RHOBTB3: variants seen among roughly 807,000 people sequenced by gnomAD.
The protein encoded by RHOBTB3 is rho-related BTB domain-containing protein 3.
Under a neutral mutation model 67.2 loss-of-function variants are expected in RHOBTB3, and 47 were observed. That is an observed-to-expected ratio of 0.70 (90% CI 0.55 to 0.89). The LOEUF is 0.89. Ranked by LOEUF, RHOBTB3 falls within the 40% of genes least tolerant of loss-of-function variation. The probability of loss-of-function intolerance (pLI) is 0.00; values close to 1 mark genes in which losing one functional copy is unlikely to be tolerated. For missense variants in RHOBTB3, 631 were observed against 750.0 expected, an observed-to-expected ratio of 0.84 and a Z score of 1.85; for synonymous variants, 273 against 274.2, an observed-to-expected ratio of 1.00 and a Z score of 0.04.
chr5:95,790,668 A>C (rs778782035), intron 11 of RHOBTB3, among the ~76,000 whole-genome samples: 18 of 152,206 alleles, frequency 1.2e-4, no homozygotes, highest in Non-Finnish European at 2.5e-4. Flanking sequence ...AAAGGGAATC[A>C]TGAGAACTCT....
chr5:95,751,640 A>G (rs936836966), intron 4 of RHOBTB3, among the ~76,000 whole-genome samples: 1 of 152,092 alleles, frequency 6.6e-6, no homozygotes, highest in East Asian at 1.9e-4. Flanking sequence ...TAACCAGGTA[A>G]TAAACATAGT....
intron 1 of RHOBTB3, among the ~76,000 whole-genome samples, chr5:95,725,075 A>G (rs1561433877): frequency 1.3e-5 from 2 of 152,264 alleles, no homozygotes; most frequent in Admixed American, 6.5e-5. Context: ...CACACCCACA[A>G]ATATACTACA....
At chr5:95,727,109 C>T (rs1755078078), upstream of RHOBTB3, among the ~76,000 whole-genome samples, 1 of 152,026 alleles carries the variant, frequency 6.6e-6, no homozygotes, top group South Asian at 2.1e-4. Flanking sequence ...TTAGAAAACC[C>T]ATCTTTTTAA....
At chr5:95,763,030 T>G (rs1186393839) in intron 6 of RHOBTB3, among the ~76,000 whole-genome samples, 2 of 152,190 alleles carry the variant, frequency 1.3e-5, no homozygotes, top group African/African-American at 4.8e-5. Flanking sequence ...CTCTCAAGCA[T>G]CCCAGTCTGC....
rs149043043 is a variant in RHOBTB3, at chr5:95,735,211, CT to C, written c.229-1677del. 1.6e-3 allele frequency among the ~76,000 whole-genome samples: 249 copies of C among 150,948 alleles called. 2 individuals are homozygous for C. The highest frequency in any genetic ancestry group is 5.5e-3 in the African/African-American group (228 of 41,094). On this transcript the variant is annotated intron_variant, in intron 2 of 11. Coordinates refer to ENST00000379982, the MANE Select transcript of RHOBTB3 (RefSeq NM_014899.4). ...CTTCCCTTCTGCCCCCTTGCACCCT[CT>C]ACCAAGTTCAACCCTTTGCCTTTGT...
intron 3 of RHOBTB3, among the ~76,000 whole-genome samples, chr5:95,744,658 A>G (rs1027111880): frequency 1.3e-5 from 2 of 152,076 alleles, no homozygotes; most frequent in Non-Finnish European, 2.9e-5. Flanking sequence ...CAACTCGAGG[A>G]CCTATATTGG....
intron 10 of RHOBTB3, 25 bp downstream of exon 10, chr5:95,783,988 G>A (rs756443231): frequency 6.6e-7 from 1 of 1,522,100 alleles, no homozygotes; most frequent in Non-Finnish European, 8.9e-7. Context: ...GTATCTGATA[G>A]CCTAGTTTTT....
At chr5:95,759,443 G>A (rs1473667950) in intron 6 of RHOBTB3, among the ~76,000 whole-genome samples, 2 of 152,182 alleles carry the variant, frequency 1.3e-5, no homozygotes, top group African/African-American at 4.8e-5. Flanking sequence ...TATCAAAGCT[G>A]TATTTGCACA....
At chr5:95,735,497 G>C (rs1022079933) in intron 2 of RHOBTB3, among the ~76,000 whole-genome samples, 1 of 152,174 alleles carries the variant, frequency 6.6e-6, no homozygotes, top group African/African-American at 2.4e-5. Context: ...TAGGATAAAA[G>C]CTCTGTCACA....
intron 4 of RHOBTB3, chr5:95,751,305 C>T (rs972306576): frequency 6.6e-6 from 1 of 152,000 alleles, no homozygotes; most frequent in Non-Finnish European, 1.5e-5. Flanking sequence ...TTACCAGCCA[C>T]ACAATTGTAG....
At chr5:95,737,625 CA>C (rs1470488692) in intron 3 of RHOBTB3, among the ~76,000 whole-genome samples, 1 of 152,190 alleles carries the variant, frequency 6.6e-6, no homozygotes, top group East Asian at 1.9e-4. Context: ...ACTCAGGATT[CA>C]GTTTGATTTG....
At chr5:95,769,134 C>T (rs537129533) in intron 8 of RHOBTB3, 9 of 366,324 alleles carry the variant, frequency 2.5e-5, no homozygotes, top group African/African-American at 6.4e-5. Flanking sequence ...ACCTTTTAGC[C>T]GATGCCGTAG....
At chr5:95,723,464 A>T (rs1047994483) in intron 1 of RHOBTB3, among the ~76,000 whole-genome samples, 5 of 152,232 alleles carry the variant, frequency 3.3e-5, no homozygotes, top group Non-Finnish European at 7.3e-5. Context: ...TTTGCTGAAG[A>T]CTGACTAAAT....
At chr5:95,753,786 G>A (rs146210144) in intron 5 of RHOBTB3, among the ~76,000 whole-genome samples, 38 of 152,222 alleles carry the variant, frequency 2.5e-4, no homozygotes, top group African/African-American at 8.7e-4. Context: ...CTCAGAGAAA[G>A]CAAAACATTA....
At chr5:95,732,256 A>G in intron 2 of RHOBTB3, 172 bp downstream of exon 2, 1 of 657,256 alleles carries the variant, frequency 1.5e-6, no homozygotes, top group Non-Finnish European at 2.7e-6. Flanking sequence ...GGCAGGGAAC[A>G]GCCCTGTCAG....
Position 95,731,893 on chromosome 5 carries a change from G to T in RHOBTB3, c.37G>T (p.Asp13Tyr). ...IHIVALGNEG[D>Y]TFHQDNRPSG... The stretch of plus-strand genomic sequence containing the variant: ...CATCGTGGCGCTGGGGAACGAGGGG[G>T]ACACATTCCACCAGGACAACCGGCC... The change falls in exon 2 of 12, where the codon GAC (aspartate) becomes TAC (tyrosine). Residue 13 changes from aspartate to tyrosine, a missense_variant. Asp to Tyr is a radical substitution (Grantham distance 160). Transcript: ENST00000379982. The T allele has an allele frequency of 6.2e-7, 1 of 1,613,930 alleles. No individual in the cohort carries two copies. The highest frequency in any genetic ancestry group is 1.1e-5 in the South Asian group (1 of 91,076).
chr5:95,786,932 G>T, intron 10 of RHOBTB3, among the ~76,000 whole-genome samples: 1 of 152,158 alleles, frequency 6.6e-6, no homozygotes, highest in East Asian at 1.9e-4. Context: ...CTGTACATTA[G>T]CTAGAACTGC....
Position 95,752,303 on chromosome 5 carries a change from T to C in RHOBTB3, c.635T>C (p.Met212Thr). 5.0e-6 allele frequency: 8 copies of C among 1,608,074 alleles called. No individual in the cohort carries two copies. Among genetic ancestry groups the C allele is most frequent in the Non-Finnish European group, 6.8e-6 (8 of 1,178,080 alleles). ...KTSEKMKKRK[M>T]SNSFHGIRPP... ...AGTGAAAAAATGAAGAAAAGAAAAA[T>C]GAGCAACTCCTTTCATGGAATTAGA... The change falls in exon 5 of 12, where the codon ATG becomes ACG. Residue 212 changes from methionine (M) to threonine (T), a missense_variant. Coordinates refer to ENST00000379982, the MANE Select transcript of RHOBTB3 (RefSeq NM_014899.4).
At position 95,762,065 on chromosome 5, in the gene RHOBTB3, A is replaced by G. The variant is rs114684781; in HGVS notation, c.1049-1443A>G. Reference sequence around the variant, plus strand: ...ATAAAAAGAGCTAGCAAAGGCAGAAAGAAGCAGTGGTGTGCTGGAGCTGGC... The same window carrying G: ...ATAAAAAGAGCTAGCAAAGGCAGAAGGAAGCAGTGGTGTGCTGGAGCTGGC... On this transcript the variant is annotated intron_variant, in intron 6 of 11. Coordinates refer to ENST00000379982, the MANE Select transcript of RHOBTB3 (RefSeq NM_014899.4). Among the ~76,000 whole-genome samples, 1,023 of 152,352 alleles carry G rather than the reference A, an allele frequency of 6.7e-3. 5 individuals are homozygous for G. The highest frequency in any genetic ancestry group is 0.011 in the Non-Finnish European group (716 of 68,038).
Sources: gnomAD v4.1 joint callset for allele counts (sites outside exome capture counted in the v4.1 genomes callset) on GRCh38, gnomAD v4.1.1 for gene constraint, MANE v1.5 for transcripts, NCBI Gene and HGNC (gene_info 2026-07-23, HGNC 2026-07-21) for gene names.